Variants in SASH1 observed in about 807,000 individuals in gnomAD.
SASH1 encodes SAM and SH3 domain-containing protein 1.
SASH1 carries 44 observed loss-of-function variants against 125.2 expected under a neutral mutation model. That is an observed-to-expected ratio of 0.35 (90% CI 0.28 to 0.45). SASH1 has a LOEUF of 0.45. Ranked by LOEUF, SASH1 falls within the 20% of genes least tolerant of loss-of-function variation. SASH1 has a pLI of 1.00. For missense variants in SASH1, 1,426 were observed against 1,614.5 expected (o/e 0.88, Z 2.00); for synonymous variants, 639 against 649.1 (o/e 0.98, Z 0.24).
chr6:148,351,542 A>G (rs1781730640), intron 1 of SASH1, among the ~76,000 whole-genome samples: 1 of 151,938 alleles, frequency 6.6e-6, no homozygotes, highest in African/African-American at 2.4e-5. Flanking sequence ...TGAGGTAGTA[A>G]GAAAGAAAAT....
chr6:148,447,839 C>T (rs992184404), intron 4 of SASH1, among the ~76,000 whole-genome samples: 3 of 152,084 alleles, frequency 2.0e-5, no homozygotes, highest in Admixed American at 6.6e-5. Flanking sequence ...GAGCAAAAGC[C>T]GCTGCAGTTT....
intron 1 of SASH1, among the ~76,000 whole-genome samples, chr6:148,288,112 G>C (rs370321656): frequency 6.6e-6 from 1 of 152,332 alleles, no homozygotes. Flanking sequence ...TATGGCTGTC[G>C]GCTTTTGCAA....
chr6:148,325,652 G>A (rs1271260791), intron 1 of SASH1, among the ~76,000 whole-genome samples: 1 of 152,076 alleles, frequency 6.6e-6, no homozygotes, highest in East Asian at 1.9e-4. Context: ...CCACCCCCAT[G>A]ATTCAATTAT....
chr6:148,398,293 G>A (rs1784036461), intron 2 of SASH1, among the ~76,000 whole-genome samples: 1 of 152,238 alleles, frequency 6.6e-6, no homozygotes, highest in African/African-American at 2.4e-5. Flanking sequence ...CTGGGCCAAG[G>A]TGAACTTGTT....
chr6:148,387,564 TTC>T lies in SASH1; in HGVS notation c.157-2566_157-2565del, dbSNP rs1219500842. Among the ~76,000 whole-genome samples the T allele has an allele frequency of 1.7e-3, 247 of 142,368 alleles. 2 individuals are homozygous for T. Among genetic ancestry groups the T allele is most frequent in the Non-Finnish European group, 2.9e-3 (187 of 63,860 alleles). The allele number at this position is 142,368 out of a possible 152,430, so 93.4% of individuals were successfully genotyped here. A position where few individuals can be genotyped will look rare whatever the true frequency, so the allele number is the denominator to read the frequency against. ...TTTCTTTTCTTTTCCTTTCTTTCTT[TTC>T]TCTTTCTTTCTTTCTTTCTTTCTTT... On this transcript the variant is annotated intron_variant, in intron 1 of 19. Transcript: ENST00000367467.
upstream of SASH1, among the ~76,000 whole-genome samples, chr6:148,340,256 G>A (rs1233111190): frequency 8.5e-5 from 13 of 152,150 alleles, no homozygotes; most frequent in African/African-American, 2.7e-4. Flanking sequence ...AGGCTGAGGC[G>A]GGTGGATCAT....
upstream of SASH1, among the ~76,000 whole-genome samples, chr6:148,269,213 G>A (rs1406398559): frequency 6.6e-6 from 1 of 152,196 alleles, no homozygotes; most frequent in Non-Finnish European, 1.5e-5. Context: ...AGGAGCTAGT[G>A]CACATGATAC....
At chr6:148,448,065 A>G (rs1776884754) in intron 4 of SASH1, among the ~76,000 whole-genome samples, 1 of 151,510 alleles carries the variant, frequency 6.6e-6, no homozygotes, top group South Asian at 2.1e-4. Flanking sequence ...GTGGCCTGGT[A>G]CTTGGCCTCT....
At chr6:148,425,295 T>C (rs888964953) in intron 2 of SASH1, among the ~76,000 whole-genome samples, 8 of 152,236 alleles carry the variant, frequency 5.3e-5, no homozygotes, top group South Asian at 2.1e-4. Flanking sequence ...AAATCTGTTA[T>C]GTTTTCATAA....
At chr6:148,484,363 A>G (rs549422523) in intron 7 of SASH1, among the ~76,000 whole-genome samples, 40 of 152,310 alleles carry the variant, frequency 2.6e-4, no homozygotes, top group Middle Eastern at 3.4e-3. Flanking sequence ...TTAAAATGTC[A>G]TTATTTTATA....
upstream of SASH1, among the ~76,000 whole-genome samples, chr6:148,271,865 C>A (rs73020845): frequency 0.076 from 11,507 of 152,226 alleles, 486 homozygotes; most frequent in Middle Eastern, 0.12. Context: ...TGAACCAGAA[C>A]AATTCGATTT....
At chr6:148,272,435 A>T (rs1372665491) in intron 1 of SASH1, 4 of 466,230 alleles carry the variant, frequency 8.6e-6, no homozygotes, top group Non-Finnish European at 1.8e-5. Context: ...TCTGACATTT[A>T]GACTGATATA....
chr6:148,280,683 C>T (rs1252465103), intron 1 of SASH1, among the ~76,000 whole-genome samples: 2 of 152,080 alleles, frequency 1.3e-5, no homozygotes, highest in African/African-American at 4.8e-5. Context: ...TTGCACATGC[C>T]TATAGTCCCA....
chr6:148,542,489 C>A (rs1341377167), intron 17 of SASH1, among the ~76,000 whole-genome samples: 1 of 152,122 alleles, frequency 6.6e-6, no homozygotes, highest in Non-Finnish European at 1.5e-5. Context: ...CGGGTTCATG[C>A]CATTCTCCCG....
At chr6:148,380,165 G>A (rs1456695489) in intron 1 of SASH1, among the ~76,000 whole-genome samples, 2 of 152,154 alleles carry the variant, frequency 1.3e-5, no homozygotes, top group Non-Finnish European at 2.9e-5. Flanking sequence ...TCACTTACCA[G>A]TTGCGCCGGG....
intron 1 of SASH1, among the ~76,000 whole-genome samples, chr6:148,379,190 T>C (rs2114777550): frequency 6.6e-6 from 1 of 152,316 alleles, no homozygotes; most frequent in East Asian, 1.9e-4. Context: ...ATTGAATTCA[T>C]GAGGAATCAC....
chr6:148,271,001 T>G (rs1469692859), upstream of SASH1, among the ~76,000 whole-genome samples: 5 of 151,394 alleles, frequency 3.3e-5, no homozygotes, highest in African/African-American at 4.9e-5. Context: ...CCTCCGCCTC[T>G]TGGGTTCAAG....
At chr6:148,499,274 C>G (rs188211737) in intron 8 of SASH1, among the ~76,000 whole-genome samples, 1 of 152,224 alleles carries the variant, frequency 6.6e-6, no homozygotes, top group African/African-American at 2.4e-5. Context: ...TCATCTCCCT[C>G]TTTGTACCAC....
the SASH1 span, among the ~76,000 whole-genome samples, chr6:148,249,407 T>C: frequency 1.3e-5 from 2 of 152,102 alleles, no homozygotes; most frequent in Non-Finnish European, 2.9e-5. Context: ...AATTGGGAAG[T>C]GGCATTTCAG....
Sources: allele counts gnomAD v4.1 joint callset (sites outside exome capture counted in the v4.1 genomes callset), GRCh38; gene constraint gnomAD v4.1.1; transcripts MANE v1.5; gene names NCBI Gene and HGNC (gene_info 2026-07-23, HGNC 2026-07-21).